The following COL2A1 variants were observed in gnomAD, a reference collection of about 807,000 sequenced individuals.
COL2A1 encodes the protein collagen type II alpha 1 chain.
A neutral mutation model predicts 204.5 loss-of-function variants in COL2A1; 28 were observed. That is an observed-to-expected ratio of 0.14 (90% CI 0.10 to 0.19). The LOEUF (loss-of-function observed/expected upper bound fraction) is 0.19. Ranked by LOEUF, COL2A1 falls within the 10% of genes least tolerant of loss-of-function variation. The pLI is 1.00. For synonymous variants in COL2A1, 708 were observed against 718.7 expected (o/e 0.99, Z 0.24); for missense variants, 1,388 against 2,027.5 (o/e 0.68, Z 6.06).
In COL2A1 at chr12:47,998,201, C is replaced by T. The variant is rs764210489; in HGVS notation, c.310G>A (p.Gly104Arg). ...ATGTCTCCAGGTTCTCCTTTCTGTC[C>T]CTGAAACATGAAACATTCACAGGAT... ...ATASGQPGPKGQKGEPGDIKD... is the reference protein window; with the variant it reads ...ATASGQPGPKRQKGEPGDIKD... The change falls in exon 4 of 54, where the codon GGA (glycine) becomes AGA (arginine). Residue 104 changes from glycine (G) to arginine (R), a missense_variant and splice_region_variant. Gly to Arg is a moderately radical substitution (Grantham distance 125). This residue lies in a region of COL2A1 where 201 missense variants were observed against 242.4 expected (regional missense o/e 0.83). Transcript: ENST00000380518. 8.1e-6 allele frequency: 13 copies of T among 1,613,984 alleles called. No individual in the cohort carries two copies. The highest frequency in any genetic ancestry group is 1.1e-5 in the Non-Finnish European group (13 of 1,180,040).
In COL2A1 at chr12:47,980,411, T is replaced by C; in HGVS notation, c.2625+143A>G. 1.2e-6 allele frequency: 1 copy of C among 804,674 alleles called. No homozygotes were observed. Among genetic ancestry groups the C allele is most frequent in the Non-Finnish European group, 2.1e-6 (1 of 473,120 alleles). The allele number at this position is 804,674 out of a possible 1,614,324, so 49.8% of individuals were successfully genotyped here. ...CTACACCCCACCCACACAGCCCACA[T>C]GCCACATGGAAGCTCCTTCTACCAA... On this transcript the variant is annotated intron_variant, in intron 39 of 53. Transcript: ENST00000380518. This position sits in a 1 kb window ranked among gnomAD's most constrained non-coding sequence, Gnocchi z 4.5.
chr12:47,984,031 C>G (rs979945942), intron 29 of COL2A1, 56 bp downstream of exon 29: 50 of 1,489,488 alleles, frequency 3.4e-5, no homozygotes, highest in Non-Finnish European at 4.4e-5. Context: ...CTCCCACCCC[C>G]ACCCCTCCCA....
chr12:47,985,193 C>T, intron 26 of COL2A1, 100 bp from the exon 27 acceptor site: 1 of 911,818 alleles, frequency 1.1e-6, no homozygotes, highest in Non-Finnish European at 1.8e-6. Context: ...GGACTAGGCA[C>T]CAGCCACACA....
At position 47,974,312 on chromosome 12, in the gene COL2A1, T is replaced by A. The variant is rs773088354; in HGVS notation, c.4094A>T (p.Asn1365Ile). Reference protein sequence around the residue: ...GGFHFSYGDDNLAPNTANVQM... With the variant: ...GGFHFSYGDDILAPNTANVQM... ...GACGTTGGCAGTGTTGGGAGCCAGATTGTCATCTCCATAGCTGAACTGTTG... is the reference window on the plus strand; with the variant it reads ...GACGTTGGCAGTGTTGGGAGCCAGAATGTCATCTCCATAGCTGAACTGTTG... Residue 1365 changes from asparagine (N) to isoleucine (I), a missense_variant, in exon 53 of 54, where the codon AAT becomes ATT. By Grantham distance (149) the Asn-to-Ile change is moderately radical. Coordinates refer to ENST00000380518, the MANE Select transcript of COL2A1 (RefSeq NM_001844.5). 1 of 1,614,078 alleles carries A rather than the reference T, an allele frequency of 6.2e-7. No homozygotes were observed. The highest frequency in any genetic ancestry group is 1.7e-5 in the Admixed American group (1 of 60,022).
In COL2A1 at chr12:47,997,938, A is replaced by G; in HGVS notation, c.376-14T>C. The G allele has an allele frequency of 6.2e-7, 1 of 1,614,194 alleles. No homozygotes were observed. The highest frequency in any genetic ancestry group is 8.5e-7 in the Non-Finnish European group (1 of 1,180,036). ...CCCTGCAGGTCCCTGAAGGTGAAGA[A>G]CATGGTAAGATGACAGCAAGGCCAG... On this transcript the variant is annotated splice_polypyrimidine_tract_variant and intron_variant, in intron 5 of 53. Coordinates refer to ENST00000380518, the MANE Select transcript of COL2A1 (RefSeq NM_001844.5).
chr12:47,998,533 G>T, intron 2 of COL2A1, 102 bp from the exon 3 acceptor site: 1 of 1,282,562 alleles, frequency 7.8e-7, no homozygotes, highest in African/African-American at 1.5e-5. Context: ...CAAGTAAAAG[G>T]ACACAATCAA....
chr12:47,979,629 C>T (rs1233434283), intron 40 of COL2A1, 65 bp from the exon 41 acceptor site: 12 of 744,878 alleles, frequency 1.6e-5, no homozygotes, highest in South Asian at 4.6e-5. Flanking sequence ...TTAAAATGGG[C>T]GGGGGGCGGG....
In COL2A1 at chr12:47,973,423, G is replaced by A. The variant is rs376442872; in HGVS notation, c.4448C>T (p.Pro1483Leu). 8.7e-6 allele frequency: 14 copies of A among 1,613,992 alleles called. No homozygotes were observed. In the African/African-American group the frequency reaches 9.3e-5, roughly 11 times the overall value. ...TTCAGGTTTTTACAAGAAGCAGACC[G>A]GCCCTATGTCCACACCGAATTCCTG... is the stretch of plus-strand genomic sequence containing the variant. ...PEQEFGVDIG[P>L]VCFL The change falls in exon 54 of 54, where the codon CCG becomes CTG. Residue 1483 changes from proline (P) to leucine (L), a missense_variant. Coordinates refer to ENST00000380518, the MANE Select transcript of COL2A1 (RefSeq NM_001844.5).
chr12:47,981,248 G>C (rs1939064045), intron 37 of COL2A1, 95 bp downstream of exon 37: 1 of 1,361,260 alleles, frequency 7.3e-7, no homozygotes, highest in African/African-American at 1.4e-5. Flanking sequence ...CAGCACACAG[G>C]GCCACCAGGC....
At chr12:47,997,085 A>G (rs1939997907) in intron 7 of COL2A1, among the ~76,000 whole-genome samples, 1 of 152,228 alleles carries the variant, frequency 6.6e-6, no homozygotes. Flanking sequence ...TTTAAAATAC[A>G]GCAAACATCA....
intron 36 of COL2A1, 120 bp downstream of exon 36, chr12:47,981,656 A>ACGGC: frequency 8.2e-7 from 1 of 1,221,658 alleles, no homozygotes; most frequent in South Asian, 1.3e-5. Context: ...CTTCACTCCT[A>ACGGC]CGGCCTTGGC....
At chr12:47,974,649 A>T (rs762592358) in intron 52 of COL2A1, 26 bp downstream of exon 52, 2 of 1,611,704 alleles carry the variant, frequency 1.2e-6, no homozygotes, top group African/African-American at 2.7e-5. Flanking sequence ...ATCTCTGCTC[A>T]TCATCTAGGG....
chr12:48,003,351 G>T (rs1428592675), intron 1 of COL2A1, among the ~76,000 whole-genome samples: 5 of 151,970 alleles, frequency 3.3e-5, no homozygotes, highest in Admixed American at 2.6e-4. Context: ...ACACCACGCA[G>T]CCTGGCTCGG....
At chr12:48,004,625 C>G (rs561278544), upstream of COL2A1, 42 of 278,478 alleles carry the variant, frequency 1.5e-4, no homozygotes, top group East Asian at 3.3e-3. Flanking sequence ...TGCCAGTGCC[C>G]GCACCTGCCC....
chr12:47,978,903 C>A lies in COL2A1; in HGVS notation c.2734-145G>T, dbSNP rs551829820. On this transcript the variant is annotated intron_variant, in intron 41 of 53. Transcript: ENST00000380518. The surrounding 1 kb of genome is among the most constrained non-coding windows in gnomAD (Gnocchi z 5.5). ...ACTAAGGGCAGGCAGCTTAACCCCC[C>A]CAACCCCAATCTACCGCTGCAACCT... The A allele has an allele frequency of 2.5e-6, 2 of 815,526 alleles. No homozygotes were observed. Among genetic ancestry groups the A allele is most frequent in the East Asian group, 2.7e-5 (1 of 37,470 alleles). The allele number at this position is 815,526 out of a possible 1,614,324, so 50.5% of individuals were successfully genotyped here. A position where few individuals can be genotyped will look rare whatever the true frequency, so the allele number is the denominator to read the frequency against.
At chr12:47,993,688 C>G (rs1385160705) in intron 14 of COL2A1, 121 bp downstream of exon 14, 54 of 1,256,008 alleles carry the variant, frequency 4.3e-5, no homozygotes, top group Non-Finnish European at 6.2e-5. Context: ...GGCTGGTGTT[C>G]CCAGCCAAGG....
In COL2A1 at chr12:47,981,338, C is replaced by T. The variant is rs747075073; in HGVS notation, c.2463+5G>A. On this transcript the variant is annotated splice_donor_5th_base_variant and intron_variant, in intron 37 of 53. Transcript: ENST00000380518. ...AGAGCCAGGCTCAGAGGGGCAGACA[C>T]TCACCGGAGCGCCACGAGCACCAGC... 2 of 1,612,624 alleles carry T rather than the reference C, an allele frequency of 1.2e-6. No homozygotes were observed. The highest frequency in any genetic ancestry group is 1.7e-6 in the Non-Finnish European group (2 of 1,179,800).
At chr12:48,001,942 A>C (rs942236032) in intron 1 of COL2A1, among the ~76,000 whole-genome samples, 30 of 152,126 alleles carry the variant, frequency 2.0e-4, no homozygotes, top group African/African-American at 7.0e-4. Flanking sequence ...TCTTTCGGGG[A>C]ACTGTTTTGC....
intron 1 of COL2A1, among the ~76,000 whole-genome samples, chr12:48,001,891 G>T (rs1365199339): frequency 6.6e-6 from 1 of 152,218 alleles, no homozygotes; most frequent in Non-Finnish European, 1.5e-5. Flanking sequence ...CCGCAGGGCC[G>T]TATAAGTGAT....
Sources: gnomAD v4.1 joint callset for allele counts (sites outside exome capture counted in the v4.1 genomes callset) on GRCh38, gnomAD v4.1.1 for gene constraint, gnomAD v4.1.1 regional missense constraint, Gnocchi (gnomAD v3.1) non-coding constraint, MANE v1.5 for transcripts, NCBI Gene and HGNC (gene_info 2026-07-23, HGNC 2026-07-21) for gene names.